The following LTA4H variants were observed in gnomAD, a reference collection of about 807,000 sequenced individuals.
The protein encoded by LTA4H is leukotriene A-4 hydrolase.
A neutral mutation model predicts 89.8 loss-of-function variants in LTA4H; 59 were observed. The ratio of observed to expected loss-of-function variants is 0.66; its 90% CI spans 0.53 to 0.82. The LOEUF is 0.82. LTA4H is among the 40% of genes least tolerant of loss of function. LTA4H has a pLI of 0.00. For missense variants in LTA4H, 617 were observed against 727.0 expected (o/e 0.85, Z 1.74); for synonymous variants, 227 against 253.1 (o/e 0.90, Z 0.98).
chr12:96,004,508 T>C (rs1950165544), intron 16 of LTA4H, among the ~76,000 whole-genome samples: 1 of 152,328 alleles, frequency 6.6e-6, no homozygotes, highest in East Asian at 1.9e-4. Context: ...AGGGGGTTTA[T>C]AAGCATCCTA....
intron 6 of LTA4H, among the ~76,000 whole-genome samples, chr12:96,020,007 A>G (rs1024418560): frequency 1.3e-5 from 2 of 151,044 alleles, no homozygotes; most frequent in African/African-American, 4.9e-5. Flanking sequence ...GGGCTCAAGC[A>G]ATACTCCCAC....
rs767133733 is a variant in LTA4H at position 96,014,954 on chromosome 12, C to A, written c.1105G>T (p.Asp369Tyr). 2 of 1,613,380 alleles carry A rather than the reference C, an allele frequency of 1.2e-6. No homozygotes were observed. Among genetic ancestry groups the A allele is most frequent in the East Asian group, 4.5e-5 (2 of 44,830 alleles). ...ETHPFTKLVVDLTDIDPDVAY... is the reference protein window; with the variant it reads ...ETHPFTKLVVYLTDIDPDVAY... Reference sequence around the variant, plus strand: ...ACATCAGGGTCTATATCTGTCAGATCAACCACAAGTTTGGTGAAAGGATGT... The same window carrying A: ...ACATCAGGGTCTATATCTGTCAGATAAACCACAAGTTTGGTGAAAGGATGT... Residue 369 changes from aspartate to tyrosine, a missense_variant, in exon 12 of 19, where the codon GAT (aspartate) becomes TAT (tyrosine). Asp to Tyr is a radical substitution (Grantham distance 160, BLOSUM62 -3). Coordinates refer to ENST00000228740, the MANE Select transcript of LTA4H (RefSeq NM_000895.3).
chr12:96,016,617 A>G (rs1950379259), intron 10 of LTA4H, among the ~76,000 whole-genome samples: 1 of 143,714 alleles, frequency 7.0e-6, no homozygotes. Flanking sequence ...AAAAAAAAAA[A>G]TAGCTGGGCA....
chr12:96,035,703 G>C (rs1260209559), upstream of LTA4H: 2 of 1,388,116 alleles, frequency 1.4e-6, no homozygotes, highest in Non-Finnish European at 1.9e-6. Context: ...GGAACTACAA[G>C]TTCCATGGTG....
In LTA4H at chr12:96,009,093, C is replaced by A; in HGVS notation, c.1434+1G>T. 6.3e-7 allele frequency: 1 copy of A among 1,589,786 alleles called. No individual in the cohort carries two copies. Among genetic ancestry groups the A allele is most frequent in the Non-Finnish European group, 8.6e-7 (1 of 1,159,408 alleles). On this transcript the variant is annotated splice_donor_variant, in intron 15 of 18. Coordinates refer to ENST00000228740, the MANE Select transcript of LTA4H (RefSeq NM_000895.3). LOFTEE classifies it high-confidence loss of function. Reference sequence around the variant, plus strand: ...ATCAAAAATCACACATTATTACTTACAGTAATCCATCTTTGACTTAAGGCA... The same window carrying A: ...ATCAAAAATCACACATTATTACTTAAAGTAATCCATCTTTGACTTAAGGCA...
intron 16 of LTA4H, among the ~76,000 whole-genome samples, chr12:96,004,772 T>C (rs1462364295): frequency 6.6e-6 from 1 of 152,158 alleles, no homozygotes; most frequent in Non-Finnish European, 1.5e-5. Context: ...TATGGACACA[T>C]GCAACTCCAA....
At chr12:96,027,414 C>T (rs532549290) in intron 3 of LTA4H, 30 bp downstream of exon 3, 3 of 1,546,724 alleles carry the variant, frequency 1.9e-6, no homozygotes, top group African/African-American at 1.4e-5. Flanking sequence ...AAATTTTCTG[C>T]ATCAGAAATC....
Position 96,021,200 on chromosome 12 carries a change from A to G in LTA4H, c.586-63T>C, listed in dbSNP as rs1358142790. ...TTAGTGTTCACAAATGTTACACAGT[A>G]AGACAATTCATATTTAAAAGTAAGT... On this transcript the variant is annotated intron_variant, in intron 5 of 18. Coordinates refer to ENST00000228740, the MANE Select transcript of LTA4H (RefSeq NM_000895.3). 2.5e-6 allele frequency: 3 copies of G among 1,217,752 alleles called. No homozygotes were observed. The African/African-American group carries it at 4.8e-5, about 19-fold the overall frequency. 75.4% of individuals were successfully genotyped at this position (1,217,752 alleles called of 1,614,324 possible).
chr12:96,028,064 A>C (rs1268601393), intron 2 of LTA4H: 1 of 152,386 alleles, frequency 6.6e-6, no homozygotes, highest in Non-Finnish European at 1.5e-5. Flanking sequence ...ATAATAAAAA[A>C]TGTGTGCTTG....
Position 96,029,193 on chromosome 12 carries a change from T to C in LTA4H, c.160-8A>G, listed in dbSNP as rs1356277055. 2 of 1,443,934 alleles carry C rather than the reference T, an allele frequency of 1.4e-6. No homozygotes were observed. Among genetic ancestry groups the C allele is most frequent in the African/African-American group, 2.9e-5 (2 of 69,470 alleles). The allele number at this position is 1,443,934 out of a possible 1,614,324, so 89.4% of individuals were successfully genotyped here. ...GTCCTTTGTATCCAAAACCTAAAAT[T>C]AATATTTTTAAATAGTAAGAAAATA... is the stretch of plus-strand genomic sequence containing the variant. On this transcript the variant is annotated splice_polypyrimidine_tract_variant and splice_region_variant and intron_variant, in intron 1 of 18. Transcript: ENST00000228740.
chr12:96,034,354 C>G (rs1259174458), intron 1 of LTA4H, among the ~76,000 whole-genome samples: 1 of 152,180 alleles, frequency 6.6e-6, no homozygotes, highest in Non-Finnish European at 1.5e-5. Flanking sequence ...AAACCAAATA[C>G]TATTGGGCAA....
At chr12:96,019,489 C>A (rs1292911684) in intron 6 of LTA4H, among the ~76,000 whole-genome samples, 1 of 151,990 alleles carries the variant, frequency 6.6e-6, no homozygotes, top group Non-Finnish European at 1.5e-5. Context: ...AAGGTGTCCC[C>A]AATTAGTTTA....
At chr12:96,031,860 T>G (rs2136918486) in intron 1 of LTA4H, among the ~76,000 whole-genome samples, 1 of 152,314 alleles carries the variant, frequency 6.6e-6, no homozygotes, top group East Asian at 1.9e-4. Flanking sequence ...CAAAGCAGAG[T>G]TTTTTTAAAA....
At chr12:96,009,418 C>T (rs1950260142) in intron 14 of LTA4H, 3 of 457,934 alleles carry the variant, frequency 6.6e-6, no homozygotes, top group Non-Finnish European at 1.2e-5. Flanking sequence ...CTGTCATGTG[C>T]TCGAGTAGTA....
chr12:96,014,742 A>C, intron 12 of LTA4H, 113 bp downstream of exon 12: 1 of 994,408 alleles, frequency 1.0e-6, no homozygotes, highest in Non-Finnish European at 1.5e-6. Flanking sequence ...CAGCAGCTAC[A>C]TCCAGAATGA....
At chr12:96,036,058 C>T (rs914705706), upstream of LTA4H, among the ~76,000 whole-genome samples, 6 of 152,166 alleles carry the variant, frequency 3.9e-5, no homozygotes, top group Non-Finnish European at 7.4e-5. Context: ...CCGCCTGTCA[C>T]GCGGGAGACC....
intron 1 of LTA4H, among the ~76,000 whole-genome samples, chr12:96,035,072 G>T (rs1950622302): frequency 6.6e-6 from 1 of 152,228 alleles, no homozygotes; most frequent in Non-Finnish European, 1.5e-5. Flanking sequence ...ATGTGCCCAG[G>T]GACCTCGGAG....
chr12:96,006,610 C>A (rs2136862909), intron 15 of LTA4H, among the ~76,000 whole-genome samples: 1 of 152,202 alleles, frequency 6.6e-6, no homozygotes, highest in East Asian at 1.9e-4. Flanking sequence ...CTCCTAGAAT[C>A]TATATTACTT....
rs140220052 is a variant in LTA4H, at chr12:96,001,014, A to T, written c.1811T>A (p.Val604Glu). ...TTAATCCACTTTTAAGTCTTTCCCC[A>T]CCAGCATTGCAGTCACGGGATGCAT... ...ASMHPVTAML[V>E]GKDLKVD is the part of the protein sequence containing the mutation. The change falls in exon 19 of 19, where the codon GTG becomes GAG. Residue 604 changes from valine to glutamate, a missense_variant. Coordinates refer to ENST00000228740, the MANE Select transcript of LTA4H (RefSeq NM_000895.3). The T allele has an allele frequency of 6.2e-7, 1 of 1,613,484 alleles. No homozygotes were observed. Among genetic ancestry groups the T allele is most frequent in the Admixed American group, 1.7e-5 (1 of 60,006 alleles).
Sources: gnomAD v4.1 joint callset for allele counts (sites outside exome capture counted in the v4.1 genomes callset) on GRCh38, gnomAD v4.1.1 for gene constraint, MANE v1.5 for transcripts, NCBI Gene and HGNC (gene_info 2026-07-23, HGNC 2026-07-21) for gene names.